RNF150: variants seen among roughly 807,000 people sequenced by gnomAD.
RNF150 encodes the protein ring finger protein 150.
Under a neutral mutation model 39.3 loss-of-function variants are expected in RNF150, and 24 were observed. The ratio of observed to expected loss-of-function variants is 0.61; its 90% CI spans 0.44 to 0.86. RNF150 has a LOEUF of 0.86. Ranked by LOEUF, RNF150 falls within the 40% of genes least tolerant of loss-of-function variation. The pLI is 0.00. For missense variants in RNF150, 502 were observed against 587.8 expected (o/e 0.85, Z 1.51); for synonymous variants, 255 against 227.3 (o/e 1.12, Z -1.10).
chr4:141,142,839 G>A (rs1392558360), intron 1 of RNF150, among the ~76,000 whole-genome samples: 3 of 151,236 alleles, frequency 2.0e-5, no homozygotes, highest in African/African-American at 7.3e-5. Flanking sequence ...TTATGTAGGT[G>A]ATCTACCCCC....
chr4:141,000,734 T>A (rs1296123384), intron 1 of RNF150, among the ~76,000 whole-genome samples: 2 of 152,220 alleles, frequency 1.3e-5, no homozygotes, highest in Non-Finnish European at 2.9e-5. Flanking sequence ...TCTCCTCACA[T>A]GCCAAAAATG....
At chr4:141,129,842 T>C (rs180953340) in intron 1 of RNF150, among the ~76,000 whole-genome samples, 38 of 152,340 alleles carry the variant, frequency 2.5e-4, no homozygotes, top group African/African-American at 7.5e-4. Context: ...AATGCATAGA[T>C]GTTAAACGAC....
At chr4:140,889,739 C>G (rs1287701257) in intron 6 of RNF150, among the ~76,000 whole-genome samples, 1 of 152,188 alleles carries the variant, frequency 6.6e-6, no homozygotes, top group African/African-American at 2.4e-5. Flanking sequence ...ATTGCCTGCC[C>G]TAATTAATAG....
intron 1 of RNF150, among the ~76,000 whole-genome samples, chr4:141,115,873 C>G (rs1333104374): frequency 1.3e-5 from 2 of 152,128 alleles, no homozygotes; most frequent in Non-Finnish European, 2.9e-5. Context: ...ACAAATCTGA[C>G]AAAAACACAC....
chr4:140,949,678 C>G (rs533540437), intron 2 of RNF150, among the ~76,000 whole-genome samples: 17 of 105,022 alleles, frequency 1.6e-4, no homozygotes, highest in South Asian at 5.5e-4. Flanking sequence ...TACACTACCC[C>G]CCCCCAAAAA....
At chr4:141,017,796 A>G (rs1046871337) in intron 1 of RNF150, among the ~76,000 whole-genome samples, 1 of 152,168 alleles carries the variant, frequency 6.6e-6, no homozygotes, top group African/African-American at 2.4e-5. Context: ...TATGCATTTA[A>G]TAAGGTCCCT....
At chr4:141,124,975 CACTT>C (rs1294506652) in intron 1 of RNF150, among the ~76,000 whole-genome samples, 1 of 152,166 alleles carries the variant, frequency 6.6e-6, no homozygotes, top group Non-Finnish European at 1.5e-5. Flanking sequence ...TGACAAACGA[CACTT>C]ACTTTTAGTG....
chr4:141,070,791 A>C (rs1011654855), intron 1 of RNF150, among the ~76,000 whole-genome samples: 38 of 148,850 alleles, frequency 2.6e-4, no homozygotes, highest in Admixed American at 2.3e-3. Context: ...GTGGGACTGT[A>C]AACTAGTTCA....
chr4:141,089,365 T>A lies in RNF150; in HGVS notation c.484+42960A>T, dbSNP rs1314323151. On this transcript the variant is annotated intron_variant, in intron 1 of 6. Coordinates refer to ENST00000515673, the MANE Select transcript of RNF150 (RefSeq NM_020724.2). ...CCTTAGTTAAGGGCATGGGTACTTG[T>A]TGTTTAGAGGGGCAGAGGAGAGGGG... is the stretch of plus-strand genomic sequence containing the variant. Among the ~76,000 whole-genome samples the A allele has an allele frequency of 1.2e-4, 18 of 152,180 alleles. 1 individual carries two copies. The South Asian group carries it at 3.7e-3, about 32-fold the overall frequency.
intron 1 of RNF150, among the ~76,000 whole-genome samples, chr4:141,187,216 G>A (rs1728028124): frequency 6.6e-6 from 1 of 152,156 alleles, no homozygotes. Context: ...TGTGGTCTGA[G>A]AGACTGTTAG....
intron 1 of RNF150, among the ~76,000 whole-genome samples, chr4:141,051,211 G>A (rs1199819252): frequency 6.6e-6 from 1 of 152,056 alleles, no homozygotes; most frequent in South Asian, 2.1e-4. Flanking sequence ...CACACAGCAT[G>A]GCCCATGAAA....
At chr4:141,189,508 T>G (rs1560773500) in intron 1 of RNF150, among the ~76,000 whole-genome samples, 2 of 152,128 alleles carry the variant, frequency 1.3e-5, no homozygotes, top group South Asian at 4.1e-4. Context: ...AGCTGCCCCT[T>G]CCCCCAGGAG....
At chr4:141,056,343 C>A (rs1386149487) in intron 1 of RNF150, among the ~76,000 whole-genome samples, 1 of 152,090 alleles carries the variant, frequency 6.6e-6, no homozygotes, top group African/African-American at 2.4e-5. Context: ...CAAATCCAGC[C>A]TGGGCAACAT....
rs1731060468 is a variant in RNF150 at position 140,920,356 on chromosome 4, C to G, written c.987+5621G>C. Among the ~76,000 whole-genome samples, 3 of 102,834 alleles carry G rather than the reference C, an allele frequency of 2.9e-5. No homozygotes were observed. In the South Asian group the frequency reaches 1.3e-3, roughly 46 times the overall value. 67.5% of individuals were successfully genotyped at this position (102,834 alleles called of 152,430 possible). On this transcript the variant is annotated intron_variant, in intron 5 of 6. Transcript: ENST00000515673. Reference sequence around the variant, plus strand: ...AAATTTACAAGAAAAAAACAAACAACCCCATCAAAAAGTGGGCAAAGGACA... The same window carrying G: ...AAATTTACAAGAAAAAAACAAACAAGCCCATCAAAAAGTGGGCAAAGGACA...
intron 6 of RNF150, among the ~76,000 whole-genome samples, chr4:140,879,138 C>A (rs775752270): frequency 2.4e-4 from 37 of 152,172 alleles, no homozygotes; most frequent in Admixed American, 9.8e-4. Flanking sequence ...GTTTTGATTA[C>A]CATCACTCTG....
chr4:140,943,824 TA>T (rs1732181851), intron 4 of RNF150, among the ~76,000 whole-genome samples: 1 of 152,130 alleles, frequency 6.6e-6, no homozygotes. Context: ...CATTTTTCCT[TA>T]GTTGTGGAGG....
At chr4:141,072,332 T>C (rs1737738607) in intron 1 of RNF150, among the ~76,000 whole-genome samples, 1 of 152,238 alleles carries the variant, frequency 6.6e-6, no homozygotes. Context: ...AAACTTTGAC[T>C]GTGGCTGAAG....
intron 1 of RNF150, among the ~76,000 whole-genome samples, chr4:140,999,923 G>C (rs990309132): frequency 1.0e-5 from 1 of 97,224 alleles, no homozygotes; most frequent in Non-Finnish European, 2.4e-5. Flanking sequence ...GGGTAACAGA[G>C]TGAGACTTGG....
intron 6 of RNF150, among the ~76,000 whole-genome samples, chr4:140,898,785 A>G (rs1398180823): frequency 2.0e-5 from 3 of 152,220 alleles, no homozygotes; most frequent in Non-Finnish European, 4.4e-5. Context: ...TCCTATTTAA[A>G]TAACAGTGGC....
Sources: allele counts gnomAD v4.1 joint callset (sites outside exome capture counted in the v4.1 genomes callset), GRCh38; gene constraint gnomAD v4.1.1; transcripts MANE v1.5; gene names NCBI Gene and HGNC (gene_info 2026-07-23, HGNC 2026-07-21).